The following NRXN1 variants were observed in gnomAD, a reference collection of about 807,000 sequenced individuals.
NRXN1 encodes neurexin-1.
In NRXN1, 39 loss-of-function variants were observed where a neutral mutation model predicts 150.9. The observed-to-expected ratio is 0.26, with a 90% CI of 0.20 to 0.34. The LOEUF is 0.34. Ranked by LOEUF, NRXN1 falls within the 10% of genes least tolerant of loss-of-function variation. The pLI, the probability that NRXN1 is intolerant of heterozygous loss-of-function variation, is 1.00. For missense variants in NRXN1, 1,815 were observed against 1,949.9 expected (o/e 0.93, Z 1.30); for synonymous variants, 924 against 757.0 (o/e 1.22, Z -3.62).
At chr2:50,321,281 T>G (rs2076020483) in intron 17 of NRXN1, among the ~76,000 whole-genome samples, 1 of 152,182 alleles carries the variant, frequency 6.6e-6, no homozygotes, top group Non-Finnish European at 1.5e-5. Flanking sequence ...TATGACACTG[T>G]CACTGGTCCA....
At chr2:50,704,052 G>T (rs927270386) in intron 5 of NRXN1, among the ~76,000 whole-genome samples, 1 of 151,910 alleles carries the variant, frequency 6.6e-6, no homozygotes, top group Admixed American at 6.6e-5. Flanking sequence ...GGATTTCAGT[G>T]GTCACTCAGC....
chr2:50,036,844 T>C (rs1573539743), intron 21 of NRXN1, among the ~76,000 whole-genome samples: 1 of 152,120 alleles, frequency 6.6e-6, no homozygotes, highest in East Asian at 1.9e-4. Context: ...AACTAATTCA[T>C]CTTAGATAGC....
intron 21 of NRXN1, chr2:49,974,052 A>C (rs756943810): frequency 1.4e-6 from 1 of 717,314 alleles, no homozygotes; most frequent in Non-Finnish European, 2.6e-6. Context: ...TTCTTAATGG[A>C]AATCCTAGGA....
chr2:50,963,479 C>G (rs1001984368), intron 2 of NRXN1, among the ~76,000 whole-genome samples: 3 of 151,664 alleles, frequency 2.0e-5, no homozygotes, highest in Non-Finnish European at 3.0e-5. Flanking sequence ...GTACTTCCAC[C>G]TTACTATCTT....
chr2:50,203,698 G>A (rs1340119375), intron 18 of NRXN1, among the ~76,000 whole-genome samples: 1 of 152,096 alleles, frequency 6.6e-6, no homozygotes, highest in Non-Finnish European at 1.5e-5. Context: ...GTGGGCAGAA[G>A]AAAAGAGAAG....
chr2:50,199,252 C>T (rs1162326854), intron 18 of NRXN1: 1 of 152,020 alleles, frequency 6.6e-6, no homozygotes, highest in East Asian at 1.9e-4. Flanking sequence ...CCATCATTGG[C>T]TCCAGATTTC....
chr2:50,711,903 C>G (rs1253697219), intron 5 of NRXN1, among the ~76,000 whole-genome samples: 12 of 152,082 alleles, frequency 7.9e-5, no homozygotes. Context: ...AGGCAAGAAG[C>G]CCATCACCAG....
intron 8 of NRXN1, among the ~76,000 whole-genome samples, chr2:50,560,728 A>G (rs6747031): frequency 0.014 from 2,129 of 152,260 alleles, 29 homozygotes; most frequent in Middle Eastern, 0.051. Flanking sequence ...CTTACCAGTA[A>G]GGAAATTTAA....
At chr2:50,973,233 T>A (rs1395488821) in intron 2 of NRXN1, among the ~76,000 whole-genome samples, 1 of 152,118 alleles carries the variant, frequency 6.6e-6, no homozygotes, top group Non-Finnish European at 1.5e-5. Context: ...CTGTCCCAAA[T>A]GCAGAACCAT....
chr2:50,142,157 C>T (rs1707362857), intron 18 of NRXN1, among the ~76,000 whole-genome samples: 1 of 152,000 alleles, frequency 6.6e-6, no homozygotes, highest in African/African-American at 2.4e-5. Context: ...TTTGCAGCAA[C>T]ATGAATGAAA....
intron 5 of NRXN1, chr2:50,631,357 T>C (rs1682287690): frequency 3.8e-6 from 1 of 260,404 alleles, no homozygotes; most frequent in African/African-American, 2.4e-5. Flanking sequence ...CTCTTGATGA[T>C]ACACTTGAAG....
chr2:50,845,874 A>G (rs2105950430), intron 5 of NRXN1, among the ~76,000 whole-genome samples: 1 of 152,348 alleles, frequency 6.6e-6, no homozygotes, highest in Middle Eastern at 3.4e-3. Flanking sequence ...AAAAACCAGA[A>G]AATTTATGTG....
chr2:50,746,241 G>A (rs990423381), intron 5 of NRXN1, among the ~76,000 whole-genome samples: 2 of 152,152 alleles, frequency 1.3e-5, no homozygotes, highest in Middle Eastern at 3.4e-3. Context: ...AGGGGCTGGT[G>A]AGCAAGCGTA....
chr2:50,949,466 A>T (rs960039155), intron 2 of NRXN1, among the ~76,000 whole-genome samples: 1 of 152,072 alleles, frequency 6.6e-6, no homozygotes, highest in African/African-American at 2.4e-5. Context: ...TAAAGTTAAT[A>T]AAATCAAAAT....
intron 19 of NRXN1, among the ~76,000 whole-genome samples, chr2:50,083,133 G>C (rs1263148151): frequency 6.6e-6 from 1 of 152,130 alleles, no homozygotes; most frequent in Non-Finnish European, 1.5e-5. Context: ...GTCACTGATA[G>C]GTCTCATTGA....
chr2:50,523,956 T>C (rs2092870668), intron 12 of NRXN1, among the ~76,000 whole-genome samples: 1 of 152,220 alleles, frequency 6.6e-6, no homozygotes, highest in African/African-American at 2.4e-5. Flanking sequence ...TTAAATATTT[T>C]TTTTAACTCC....
intron 5 of NRXN1, among the ~76,000 whole-genome samples, chr2:50,769,958 GC>G (rs1702810092): frequency 6.6e-6 from 1 of 152,070 alleles, no homozygotes; most frequent in Non-Finnish European, 1.5e-5. Flanking sequence ...GGGGTGAGAA[GC>G]CAAGGCAGCC....
At chr2:50,117,058 C>G (rs1034161062) in intron 18 of NRXN1, among the ~76,000 whole-genome samples, 2 of 151,998 alleles carry the variant, frequency 1.3e-5, no homozygotes, top group African/African-American at 4.8e-5. Flanking sequence ...TGTGTCTATG[C>G]ATGAAAAGCC....
At chr2:50,493,966 CAG>C (rs990083426) in intron 15 of NRXN1, among the ~76,000 whole-genome samples, 20 of 152,292 alleles carry the variant, frequency 1.3e-4, no homozygotes, top group African/African-American at 3.4e-4. Context: ...GTTTTATCTT[CAG>C]AGTTATCCAT....
Sources: gnomAD v4.1 joint callset for allele counts (sites outside exome capture counted in the v4.1 genomes callset) on GRCh38, gnomAD v4.1.1 for gene constraint, MANE v1.5 for transcripts, NCBI Gene and HGNC (gene_info 2026-07-23, HGNC 2026-07-21) for gene names.